HS3ST4: variants seen among roughly 807,000 people sequenced by gnomAD.
The protein encoded by HS3ST4 is heparan sulfate glucosamine 3-O-sulfotransferase 4.
Under a neutral mutation model 29.2 loss-of-function variants are expected in HS3ST4, and 17 were observed. That is an observed-to-expected ratio of 0.58 (90% CI 0.40 to 0.87). The LOEUF (loss-of-function observed/expected upper bound fraction) is 0.87, where lower values mean the gene tolerates loss of function less well. Ranked by LOEUF, HS3ST4 falls within the 40% of genes least tolerant of loss-of-function variation. HS3ST4 has a pLI of 0.00. For synonymous variants in HS3ST4, 314 were observed against 285.7 expected (o/e 1.10, Z -1.00); for missense variants, 627 against 634.5 (o/e 0.99, Z 0.13).
intron 1 of HS3ST4, among the ~76,000 whole-genome samples, chr16:26,095,658 A>G (rs1898916943): frequency 6.6e-6 from 1 of 152,228 alleles, no homozygotes; most frequent in Non-Finnish European, 1.5e-5. Flanking sequence ...CCCACAAGAG[A>G]AAGCAGGAAA....
At chr16:25,707,117 G>A (rs7200279) in intron 1 of HS3ST4, among the ~76,000 whole-genome samples, 63,691 of 151,758 alleles carry the variant, frequency 0.42, 13,987 homozygotes, top group Non-Finnish European at 0.47. Flanking sequence ...ATTGACTGTC[G>A]TGGTATCTCA....
chr16:26,124,518 A>T (rs571256820), intron 1 of HS3ST4, among the ~76,000 whole-genome samples: 1 of 152,364 alleles, frequency 6.6e-6, no homozygotes, highest in African/African-American at 2.4e-5. Flanking sequence ...GAAGGAAAAC[A>T]TACGTAGTAC....
At chr16:25,837,861 G>A (rs1050827072) in intron 1 of HS3ST4, among the ~76,000 whole-genome samples, 1 of 152,102 alleles carries the variant, frequency 6.6e-6, no homozygotes, top group African/African-American at 2.4e-5. Flanking sequence ...CTGAGGTTGG[G>A]TGTAGGAATG....
chr16:25,889,345 C>T (rs976625842), intron 1 of HS3ST4, among the ~76,000 whole-genome samples: 3 of 152,150 alleles, frequency 2.0e-5, no homozygotes, highest in Admixed American at 6.5e-5. Context: ...CTCTCCCCTC[C>T]GGCCCCTAGG....
chr16:25,932,395 A>G (rs1032006184), intron 1 of HS3ST4, among the ~76,000 whole-genome samples: 1 of 152,246 alleles, frequency 6.6e-6, no homozygotes, highest in Non-Finnish European at 1.5e-5. Flanking sequence ...GAAGGGCTCC[A>G]TGAAGCAGTT....
chr16:26,000,131 A>G (rs1280376883), intron 1 of HS3ST4, among the ~76,000 whole-genome samples: 2 of 151,882 alleles, frequency 1.3e-5, no homozygotes, highest in South Asian at 2.1e-4. Flanking sequence ...AATTTGTGAT[A>G]CGTAGACACT....
At chr16:26,001,615 T>C (rs968380104) in intron 1 of HS3ST4, among the ~76,000 whole-genome samples, 2 of 152,208 alleles carry the variant, frequency 1.3e-5, no homozygotes, top group African/African-American at 2.4e-5. Context: ...GCAATTAATA[T>C]AAGTCGTCCC....
chr16:25,844,369 C>G (rs1251141653), intron 1 of HS3ST4, among the ~76,000 whole-genome samples: 1 of 152,142 alleles, frequency 6.6e-6, no homozygotes, highest in Non-Finnish European at 1.5e-5. Context: ...GCTAGTTTAT[C>G]TGAAATTTTA....
At chr16:26,069,901 G>A (rs1008659327) in intron 1 of HS3ST4, among the ~76,000 whole-genome samples, 2 of 151,874 alleles carry the variant, frequency 1.3e-5, no homozygotes, top group African/African-American at 4.8e-5. Flanking sequence ...ATTTTTTATG[G>A]CTGCATAGTA....
intron 1 of HS3ST4, among the ~76,000 whole-genome samples, chr16:25,747,644 C>T (rs1429513010): frequency 6.6e-6 from 1 of 152,230 alleles, no homozygotes; most frequent in Non-Finnish European, 1.5e-5. Context: ...AACCAGAACT[C>T]AAGCCTGGTT....
At chr16:25,727,476 G>A (rs1277252447) in intron 1 of HS3ST4, among the ~76,000 whole-genome samples, 1 of 152,262 alleles carries the variant, frequency 6.6e-6, no homozygotes, top group East Asian at 1.9e-4. Flanking sequence ...AAAAAGGTTA[G>A]CAAGTATAAG....
intron 1 of HS3ST4, among the ~76,000 whole-genome samples, chr16:26,003,757 G>A (rs576428361): frequency 1.3e-5 from 2 of 152,250 alleles, no homozygotes; most frequent in African/African-American, 4.8e-5. Context: ...TCGTGTTGGG[G>A]TGTTTCAGCA....
intron 1 of HS3ST4, among the ~76,000 whole-genome samples, chr16:26,085,877 AAATAATAATAAT>A (rs57927146): frequency 0.46 from 67,358 of 146,794 alleles, 15,759 homozygotes; most frequent in Middle Eastern, 0.56. Flanking sequence ...CTGTCTCTTA[AAATAATAATAAT>A]AATAATAATA....
chr16:26,031,166 A>T (rs113247913), intron 1 of HS3ST4, among the ~76,000 whole-genome samples: 6,770 of 152,276 alleles, frequency 0.044, 167 homozygotes, highest in Middle Eastern at 0.15. Context: ...GAGCGGGACT[A>T]CCTGCCTTGG....
intron 1 of HS3ST4, among the ~76,000 whole-genome samples, chr16:26,109,767 T>C (rs1474965418): frequency 6.6e-6 from 1 of 152,040 alleles, no homozygotes; most frequent in Non-Finnish European, 1.5e-5. Flanking sequence ...CCCAGCTCTA[T>C]TTAGGTGTCA....
At chr16:25,881,518 A>G (rs1368479141) in intron 1 of HS3ST4, among the ~76,000 whole-genome samples, 1 of 152,202 alleles carries the variant, frequency 6.6e-6, no homozygotes, top group African/African-American at 2.4e-5. Flanking sequence ...GCTTGGATAG[A>G]CATTCAAAAG....
intron 1 of HS3ST4, among the ~76,000 whole-genome samples, chr16:26,083,375 A>G (rs918035522): frequency 6.6e-6 from 1 of 152,248 alleles, no homozygotes; most frequent in African/African-American, 2.4e-5. Flanking sequence ...CTTAAGCATT[A>G]TATAGTTTCC....
intron 1 of HS3ST4, among the ~76,000 whole-genome samples, chr16:26,083,319 G>T (rs559882276): frequency 2.0e-5 from 3 of 152,300 alleles, no homozygotes; most frequent in African/African-American, 7.2e-5. Context: ...GTACTAAATC[G>T]AGTGAGCTGC....
intron 1 of HS3ST4, among the ~76,000 whole-genome samples, chr16:26,006,551 C>G (rs1186454794): frequency 5.3e-5 from 8 of 152,002 alleles, no homozygotes; most frequent in Non-Finnish European, 1.2e-4. Flanking sequence ...TTCAAATAAG[C>G]CTTCCTGAAA....
Sources: gnomAD v4.1 joint callset for allele counts (sites outside exome capture counted in the v4.1 genomes callset) on GRCh38, gnomAD v4.1.1 for gene constraint, MANE v1.5 for transcripts, NCBI Gene and HGNC (gene_info 2026-07-23, HGNC 2026-07-21) for gene names.